Variants in MYCBP2 observed in about 807,000 individuals in gnomAD.
MYCBP2 encodes the protein E3 ubiquitin-protein ligase MYCBP2.
A neutral mutation model predicts 525.3 loss-of-function variants in MYCBP2; 120 were observed. The ratio of observed to expected loss-of-function variants is 0.23; its 90% confidence interval spans 0.20 to 0.27. The LOEUF (loss-of-function observed/expected upper bound fraction) is 0.27, where lower values mean the gene tolerates loss of function less well. MYCBP2 is among the 10% of genes least tolerant of loss of function. The pLI, the probability that MYCBP2 is intolerant of heterozygous loss-of-function variation, is 1.00. For synonymous variants in MYCBP2, 1,894 were observed against 1,955.8 expected, an observed-to-expected ratio of 0.97 and a Z score of 0.83; for missense variants, 4,149 against 5,657.1, an observed-to-expected ratio of 0.73 and a Z score of 8.55.
Position 77,098,878 on chromosome 13 carries a change from C to G in MYCBP2, c.8276G>C (p.Arg2759Thr), listed in dbSNP as rs767836096. The change falls in exon 56 of 83, where the codon AGG becomes ACG. Residue 2759 changes from arginine (R) to threonine (T), a missense_variant. Arg to Thr is a moderately conservative substitution (Grantham distance 71). Around this residue, in one of 21 missense-constraint regions of MYCBP2, gnomAD observed 653 missense variants for 744.7 expected, o/e 0.88. Transcript: ENST00000544440. ...ACTAGCAGATAAACTTTCTGTGCCC[C>G]TTGGCTTCTTCTGATCAGCAGTAGT... Reference protein sequence around the residue: ...SRTTADQKKPRGTESLSASES... With the variant: ...SRTTADQKKPTGTESLSASES... The G allele has an allele frequency of 6.2e-7, 1 of 1,613,538 alleles. No individual in the cohort carries two copies. The highest frequency in any genetic ancestry group is 1.3e-5 in the African/African-American group (1 of 74,860).
chr13:77,130,825 T>C (rs958918900), intron 52 of MYCBP2, among the ~76,000 whole-genome samples: 5 of 152,158 alleles, frequency 3.3e-5, no homozygotes, highest in Non-Finnish European at 5.9e-5. Flanking sequence ...ATTATTCTAG[T>C]ATTAAAGTAA....
At chr13:77,083,246 T>G (rs2043609435) in intron 62 of MYCBP2, 54 bp from the exon 63 acceptor site, 1 of 1,525,180 alleles carries the variant, frequency 6.6e-7, no homozygotes, top group South Asian at 1.2e-5. Flanking sequence ...AGGAATCCTC[T>G]TCACAAAAGA....
rs144624584 is a variant in MYCBP2 at position 77,171,561 on chromosome 13, C to T, written c.5725G>A (p.Ala1909Thr). 6.2e-7 allele frequency: 1 copy of T among 1,613,980 alleles called. No individual in the cohort carries two copies. Among genetic ancestry groups the T allele is most frequent in the African/African-American group, 1.3e-5 (1 of 74,924 alleles). The change falls in exon 38 of 83, where the codon GCA (alanine) becomes ACA (threonine). Residue 1909 changes from alanine to threonine, a missense_variant. Physicochemically the swap from Ala to Thr is moderately conservative, Grantham distance 58. Around this residue, in one of 21 missense-constraint regions of MYCBP2, gnomAD observed 692 missense variants for 852.7 expected, o/e 0.81. Coordinates refer to ENST00000544440, the MANE Select transcript of MYCBP2 (RefSeq NM_015057.5). ...ANEEDKNCSRALSVVSTVVRA... is the reference protein window; with the variant it reads ...ANEEDKNCSRTLSVVSTVVRA... ...ACGACAGTGCTTACAACAGACAATG[C>T]TCTGCTACAGTTTTTATCTTCTTCA... is the stretch of plus-strand genomic sequence containing the variant.
intron 54 of MYCBP2, 91 bp downstream of exon 54, chr13:77,125,241 CAAAA>C: frequency 6.8e-7 from 1 of 1,462,994 alleles, no homozygotes; most frequent in Non-Finnish European, 9.2e-7. Context: ...AGCAAACACA[CAAAA>C]AACTCTTTAA....
intron 55 of MYCBP2, 188 bp downstream of exon 55, chr13:77,121,185 C>CA (rs1183361654): frequency 2.0e-5 from 10 of 505,086 alleles, no homozygotes; most frequent in Admixed American, 4.6e-5. Context: ...TGGTTAAAAA[C>CA]AAAAAACAAC....
chr13:77,251,388 A>AT, intron 14 of MYCBP2, 33 bp from the exon 15 acceptor site: 2 of 1,580,432 alleles, frequency 1.3e-6, no homozygotes, highest in Non-Finnish European at 1.7e-6. Flanking sequence ...ATTTTTATAC[A>AT]GGTTACTTTC....
chr13:77,097,929 T>A lies in MYCBP2; in HGVS notation c.9225A>T (p.Gln3075His), dbSNP rs2046488802. The change falls in exon 56 of 83, where the codon CAA becomes CAT. Residue 3075 changes from glutamine (Q) to histidine (H), a missense_variant. By Grantham distance (24) the Gln-to-His change is conservative. This residue lies in a region of MYCBP2 where 653 missense variants were observed against 744.7 expected (regional missense o/e 0.88). Coordinates refer to ENST00000544440, the MANE Select transcript of MYCBP2 (RefSeq NM_015057.5). ...TGGTTTCTTTTTCCTCTGTAGGTTG[T>A]TGGCTATTTAAACTACTCCTTATAG... Reference protein sequence around the residue: ...HAPIRSSLNSQQPTEEKETKL... With the variant: ...HAPIRSSLNSHQPTEEKETKL... 1 of 1,612,926 alleles carries A rather than the reference T, an allele frequency of 6.2e-7. No individual in the cohort carries two copies. Among genetic ancestry groups the A allele is most frequent in the Non-Finnish European group, 8.5e-7 (1 of 1,179,660 alleles).
intron 3 of MYCBP2, among the ~76,000 whole-genome samples, chr13:77,282,173 G>A (rs1347312815): frequency 1.3e-5 from 2 of 152,142 alleles, no homozygotes; most frequent in African/African-American, 2.4e-5. Flanking sequence ...CACTTTGGGA[G>A]GCCAAGGTTG....
At chr13:77,171,728 A>C (rs1322765443) in intron 37 of MYCBP2, 94 bp from the exon 38 acceptor site, 2 of 1,216,646 alleles carry the variant, frequency 1.6e-6, no homozygotes, top group African/African-American at 1.5e-5. Context: ...TCCTCATTTA[A>C]TTTATAGCTT....
At chr13:77,307,625 CAAA>C (rs763388200) in intron 1 of MYCBP2, among the ~76,000 whole-genome samples, 2 of 30,112 alleles carry the variant, frequency 6.6e-5, no homozygotes. Context: ...GACCCTGTCT[CAAA>C]AAAAAAAAAA....
At chr13:77,173,568 G>A (rs1278778844) in intron 37 of MYCBP2, among the ~76,000 whole-genome samples, 2 of 152,148 alleles carry the variant, frequency 1.3e-5, no homozygotes. Context: ...ATCTACGTAG[G>A]CACCATCCCT....
intron 52 of MYCBP2, chr13:77,129,853 T>C (rs1388269046): frequency 2.6e-5 from 4 of 151,888 alleles, no homozygotes; most frequent in African/African-American, 9.7e-5. Flanking sequence ...ACATAATACA[T>C]ACAATCAATT....
At chr13:77,323,729 A>T (rs2081971178) in intron 1 of MYCBP2, among the ~76,000 whole-genome samples, 1 of 152,202 alleles carries the variant, frequency 6.6e-6, no homozygotes, top group African/African-American at 2.4e-5. Context: ...CAGGCACTTG[A>T]TGTTTACAGA....
intron 38 of MYCBP2, among the ~76,000 whole-genome samples, chr13:77,171,197 C>G (rs2059113050): frequency 6.6e-6 from 1 of 152,090 alleles, no homozygotes; most frequent in South Asian, 2.1e-4. Context: ...GAAGAAAAAG[C>G]TTTTTGATTA....
chr13:77,071,271 G>GCGCACACACACACA (rs375003621), intron 68 of MYCBP2, among the ~76,000 whole-genome samples: 2 of 142,656 alleles, frequency 1.4e-5, no homozygotes, highest in South Asian at 2.2e-4. Context: ...GTGTGCACAC[G>GCGCACACACACACA]CACACACACA....
Position 77,077,352 on chromosome 13 carries a change from TG to T in MYCBP2, c.11519del (p.Thr3840LysfsTer12). 2 of 1,614,050 alleles carry T rather than the reference TG, an allele frequency of 1.2e-6. No individual in the cohort carries two copies. Among genetic ancestry groups the T allele is most frequent in the Non-Finnish European group, 1.7e-6 (2 of 1,179,922 alleles). ...DLDSRHIGWVTSELPGGDNHI... is the reference protein window; with the variant it reads ...DLDSRHIGWVXSELPGGDNHI... ...GATTATCCCCTCCTGGAAGTTCACT[TG>T]TTACCCAGCCAATGTGCCTGGAATC... On this transcript the variant is annotated frameshift_variant, in exon 67 of 83. Transcript: ENST00000544440. LOFTEE classifies it high-confidence loss of function.
At chr13:77,323,185 C>T (rs559193021) in intron 1 of MYCBP2, among the ~76,000 whole-genome samples, 3 of 152,286 alleles carry the variant, frequency 2.0e-5, no homozygotes, top group East Asian at 1.9e-4. Flanking sequence ...ATGTAATATA[C>T]TCAAAGTTAC....
chr13:77,168,729 C>G, intron 39 of MYCBP2, 83 bp from the exon 40 acceptor site: 1 of 1,229,226 alleles, frequency 8.1e-7, no homozygotes, highest in Non-Finnish European at 1.2e-6. Context: ...TTGTTGGTTA[C>G]TCTAATAACA....
intron 8 of MYCBP2, among the ~76,000 whole-genome samples, chr13:77,265,808 C>A (rs1465837874): frequency 6.6e-6 from 1 of 152,134 alleles, no homozygotes; most frequent in Non-Finnish European, 1.5e-5. Context: ...TCTTCTGCCA[C>A]GTGATTTCAA....
Sources: allele counts gnomAD v4.1 joint callset (sites outside exome capture counted in the v4.1 genomes callset), GRCh38; gene constraint gnomAD v4.1.1; regional missense constraint gnomAD v4.1.1; transcripts MANE v1.5; gene names NCBI Gene and HGNC (gene_info 2026-07-23, HGNC 2026-07-21).